The following HEXA variants were observed in gnomAD, a reference collection of about 807,000 sequenced individuals.
The protein encoded by HEXA is beta-hexosaminidase subunit alpha.
A neutral mutation model predicts 73.3 loss-of-function variants in HEXA; 54 were observed. The ratio of observed to expected loss-of-function variants is 0.74; its 90% confidence interval spans 0.59 to 0.92. The LOEUF (loss-of-function observed/expected upper bound fraction) is 0.92, where lower values mean the gene tolerates loss of function less well. Ranked by LOEUF, HEXA falls within the 40% of genes least tolerant of loss-of-function variation. HEXA has a pLI of 0.00. For synonymous variants in HEXA, 230 were observed against 246.9 expected (o/e 0.93, Z 0.64); for missense variants, 649 against 653.0 (o/e 0.99, Z 0.07).
chr15:72,372,059 G>A (rs1399777473), intron 1 of HEXA, among the ~76,000 whole-genome samples: 1 of 152,116 alleles, frequency 6.6e-6, no homozygotes, highest in African/African-American at 2.4e-5. Flanking sequence ...AAAGAAGAAT[G>A]CAGTCATGGC....
At chr15:72,369,294 C>T (rs2088957039) in intron 1 of HEXA, among the ~76,000 whole-genome samples, 1 of 152,206 alleles carries the variant, frequency 6.6e-6, no homozygotes. Context: ...AACATGTAAA[C>T]CTTGAGACAG....
chr15:72,358,302 G>A (rs2088811379), intron 1 of HEXA: 1 of 152,198 alleles, frequency 6.6e-6, no homozygotes, highest in South Asian at 2.1e-4. Context: ...CTGAGCTTTA[G>A]TTCTAATCCT....
chr15:72,342,350 G>A lies in HEXA; in HGVS notation c.*1727C>T, dbSNP rs2140317420. The A allele has an allele frequency of 6.6e-6, 1 of 152,252 alleles. No individual in the cohort carries two copies. Among genetic ancestry groups the A allele is most frequent in the East Asian group, 1.9e-4 (1 of 5,176 alleles). The allele number at this position is 152,252 out of a possible 1,614,324, so 9.4% of individuals were successfully genotyped here. A position where few individuals can be genotyped will look rare whatever the true frequency, so the allele number is the denominator to read the frequency against. On this transcript the variant is annotated 3_prime_UTR_variant, in exon 14 of 14. Coordinates refer to ENST00000268097, the MANE Select transcript of HEXA (RefSeq NM_000520.6). ...GACCCAGGGGCTGAAGGATGGTGTT[G>A]AAGGACCGAGTTTTACTCAGATCCT...
chr15:72,353,647 C>G, intron 4 of HEXA, 44 bp downstream of exon 4: 2 of 1,481,690 alleles, frequency 1.3e-6, no homozygotes, highest in Non-Finnish European at 1.9e-6. Flanking sequence ...TGGGATCCAA[C>G]CCCAGAGATG....
At chr15:72,344,168 G>A (rs1344203077) in intron 13 of HEXA, 28 bp from the exon 14 acceptor site, 1 of 1,601,534 alleles carries the variant, frequency 6.2e-7, no homozygotes, top group Admixed American at 1.7e-5. Context: ...GAAATGGCAA[G>A]ATAAGCCCCT....
chr15:72,346,659 A>G lies in HEXA; in HGVS notation c.1198T>C (p.Tyr400His). ...GTGACCAGTTCCAGCTCCTTCATAT[A>G]GTTCACTGGAATATCCTCTCGCCAC... ...QVWREDIPVN[Y>H]MKELELVTKA... Residue 400 changes from tyrosine (Y) to histidine (H), a missense_variant, in exon 11 of 14, where the codon TAT becomes CAT. Tyr to His is a moderately conservative substitution (Grantham distance 83). Coordinates refer to ENST00000268097, the MANE Select transcript of HEXA (RefSeq NM_000520.6). 2.5e-6 allele frequency: 4 copies of G among 1,614,062 alleles called. No individual in the cohort carries two copies. Among genetic ancestry groups the G allele is most frequent in the Admixed American group, 1.7e-5 (1 of 60,014 alleles).
intron 1 of HEXA, among the ~76,000 whole-genome samples, chr15:72,361,890 T>C (rs1264580693): frequency 3.9e-5 from 6 of 152,192 alleles, no homozygotes; most frequent in Admixed American, 6.5e-5. Flanking sequence ...TGGATGACTA[T>C]AAAAAATCTC....
At chr15:72,348,631 C>G (rs973968675) in intron 8 of HEXA, among the ~76,000 whole-genome samples, 2 of 152,204 alleles carry the variant, frequency 1.3e-5, no homozygotes, top group Non-Finnish European at 2.9e-5. Context: ...GCTCTAGCGC[C>G]CTCTTCTCAA....
intron 4 of HEXA, 120 bp from the exon 5 acceptor site, chr15:72,353,298 C>T (rs1057499783): frequency 5.5e-6 from 4 of 722,126 alleles, no homozygotes; most frequent in Non-Finnish European, 1.0e-5. Flanking sequence ...TTCTCAGGGT[C>T]GCTCTCTCCC....
intron 6 of HEXA, 187 bp from the exon 7 acceptor site, chr15:72,350,837 A>G (rs1271288746): frequency 1.2e-5 from 8 of 654,696 alleles, no homozygotes; most frequent in Non-Finnish European, 1.9e-5. Context: ...TTATCTGAGT[A>G]TCATAATGCC....
intron 3 of HEXA, 156 bp downstream of exon 3, chr15:72,355,403 G>A (rs2088762106): frequency 2.9e-6 from 2 of 694,016 alleles, no homozygotes; most frequent in Admixed American, 2.0e-5. Context: ...GCAGGCACCT[G>A]TAATCCCAGC....
intron 13 of HEXA, among the ~76,000 whole-genome samples, chr15:72,344,963 T>C (rs1265080727): frequency 6.6e-6 from 1 of 152,218 alleles, no homozygotes; most frequent in African/African-American, 2.4e-5. Context: ...ATCTCTAAAA[T>C]GCACCTGTCT....
At chr15:72,351,744 G>C (rs149732211) in intron 5 of HEXA, 2 of 189,042 alleles carry the variant, frequency 1.1e-5, no homozygotes, top group East Asian at 2.6e-4. Context: ...ACAGGAACTG[G>C]ATTGGGAACT....
At chr15:72,367,103 C>T (rs145285505) in intron 1 of HEXA, among the ~76,000 whole-genome samples, 70 of 152,100 alleles carry the variant, frequency 4.6e-4, no homozygotes, top group African/African-American at 1.6e-3. Flanking sequence ...ACCACTATGC[C>T]CAGCTAATTT....
chr15:72,347,998 C>T (rs751665673), intron 9 of HEXA, 50 bp downstream of exon 9: 22 of 1,298,432 alleles, frequency 1.7e-5, no homozygotes, highest in African/African-American at 2.9e-5. Flanking sequence ...AAGGGAGGAC[C>T]CCACAGGAGG....
chr15:72,351,386 A>G (rs1472949165), intron 5 of HEXA, 152 bp from the exon 6 acceptor site: 3 of 695,098 alleles, frequency 4.3e-6, no homozygotes, highest in Non-Finnish European at 8.0e-6. Context: ...GGGTCTATCA[A>G]ACCTTCCCAT....
rs2089056559 is a variant in HEXA, at chr15:72,375,781, G to A, written c.192C>T (p.Ala64=). 2.5e-6 allele frequency: 4 copies of A among 1,614,268 alleles called. No individual in the cohort carries two copies. Among genetic ancestry groups the A allele is most frequent in the Non-Finnish European group, 3.4e-6 (4 of 1,180,048 alleles). Residue 64 remains alanine (A), a synonymous_variant, in exon 1 of 14, where the codon GCC becomes GCT. Coordinates refer to ENST00000268097, the MANE Select transcript of HEXA (RefSeq NM_000520.6). ...AQPGCSVLDE[A]FQRYRDLLFG... is the part of the protein sequence containing the mutation. ...AAAGCAGGTCACGATAGCGCTGGAA[G>A]GCCTCGTCGAGGACTGAGCAGCCGG... is the stretch of plus-strand genomic sequence containing the variant.
In HEXA at chr15:72,346,673, TC is replaced by T. The variant is rs770303210; in HGVS notation, c.1183del (p.Asp395IlefsTer4). On this transcript the variant is annotated frameshift_variant, in exon 11 of 14. Coordinates refer to ENST00000268097, the MANE Select transcript of HEXA (RefSeq NM_000520.6). LOFTEE classifies it high-confidence loss of function. ...CTCCTTCATATAGTTCACTGGAATA[TC>T]CTCTCGCCACACCTGTATGATTGTG... is the stretch of plus-strand genomic sequence containing the variant. The part of the protein sequence containing the change: ...PDTIIQVWRE[D>X]IPVNYMKELE... 1 of 1,614,130 alleles carries T rather than the reference TC, an allele frequency of 6.2e-7. No homozygotes were observed. Among genetic ancestry groups the T allele is most frequent in the Non-Finnish European group, 8.5e-7 (1 of 1,180,036 alleles).
chr15:72,346,026 T>C (rs1489859081), intron 12 of HEXA: 3 of 606,210 alleles, frequency 4.9e-6, no homozygotes, highest in Non-Finnish European at 6.0e-6. Context: ...CTATCCCACA[T>C]ACCAAAGGGC....
Sources: gnomAD v4.1 joint callset for allele counts (sites outside exome capture counted in the v4.1 genomes callset) on GRCh38, gnomAD v4.1.1 for gene constraint, MANE v1.5 for transcripts, NCBI Gene and HGNC (gene_info 2026-07-23, HGNC 2026-07-21) for gene names.